Variants in PEPD observed in about 807,000 individuals in gnomAD.
PEPD encodes peptidase D, also known as xaa-Pro dipeptidase.
PEPD carries 53 observed loss-of-function variants against 60.7 expected under a neutral mutation model. The ratio of observed to expected loss-of-function variants is 0.87; its 90% CI spans 0.70 to 1.10. The LOEUF is 1.10. Among genes scored for constraint, PEPD ranks in the 50% least tolerant of loss-of-function variants. The pLI is 0.00. For missense variants in PEPD, 711 were observed against 711.9 expected, an observed-to-expected ratio of 1.00 and a Z score of 0.01; for synonymous variants, 267 against 284.1, an observed-to-expected ratio of 0.94 and a Z score of 0.60.
In PEPD at chr19:33,521,743, C is replaced by G. The variant is rs1203223583; in HGVS notation, c.17+1G>C. 3.2e-6 allele frequency: 5 copies of G among 1,578,540 alleles called. No individual in the cohort carries two copies. The highest frequency in any genetic ancestry group is 2.7e-5 in the African/African-American group (2 of 74,298). ...AAGAGCGAGGGAGGCGCAGCACTCA[C>G]CCGGTGGCCGCCGCCATGTTCGCCC... On this transcript the variant is annotated splice_donor_variant, in intron 1 of 14. Transcript: ENST00000244137. LOFTEE classifies it high-confidence loss of function.
intron 7 of PEPD, among the ~76,000 whole-genome samples, chr19:33,469,064 C>T (rs1970074267): frequency 6.6e-6 from 1 of 152,158 alleles, no homozygotes; most frequent in African/African-American, 2.4e-5. Context: ...GGGAGCAGGT[C>T]TCTCTTCTCT....
intron 11 of PEPD, among the ~76,000 whole-genome samples, chr19:33,407,461 G>A (rs868147264): frequency 6.6e-6 from 1 of 152,244 alleles, no homozygotes; most frequent in African/African-American, 2.4e-5. Context: ...GAAGCAGGGG[G>A]ATGAGTCCTG....
chr19:33,391,799 A>G (rs900949811), intron 12 of PEPD, among the ~76,000 whole-genome samples: 5 of 152,164 alleles, frequency 3.3e-5, no homozygotes, highest in Admixed American at 1.3e-4. Flanking sequence ...TCCACCCTGA[A>G]CAGCCTATGC....
At chr19:33,423,225 A>C (rs1239083703) in intron 9 of PEPD, among the ~76,000 whole-genome samples, 1 of 152,204 alleles carries the variant, frequency 6.6e-6, no homozygotes, top group Non-Finnish European at 1.5e-5. Flanking sequence ...GCACATCAGA[A>C]GTCTTTGGTA....
intron 1 of PEPD, among the ~76,000 whole-genome samples, chr19:33,513,340 C>T (rs1970963924): frequency 6.6e-6 from 1 of 152,148 alleles, no homozygotes; most frequent in Non-Finnish European, 1.5e-5. Context: ...ATGTCCAGCT[C>T]CAGACTCACA....
chr19:33,491,663 A>T (rs1849846153), intron 5 of PEPD, among the ~76,000 whole-genome samples: 2 of 152,032 alleles, frequency 1.3e-5, no homozygotes, highest in African/African-American at 4.8e-5. Context: ...GGGACCCCAC[A>T]TTCTGTATTT....
chr19:33,402,145 C>G (rs954959880), intron 11 of PEPD, among the ~76,000 whole-genome samples: 4 of 152,210 alleles, frequency 2.6e-5, no homozygotes, highest in African/African-American at 7.2e-5. Flanking sequence ...GGGAGTGGGG[C>G]TGTCCTATGC....
Position 33,521,729 on chromosome 19 carries a change from A to G in PEPD, c.17+15T>C. 6.3e-7 allele frequency: 1 copy of G among 1,580,162 alleles called. No homozygotes were observed. Among genetic ancestry groups the G allele is most frequent in the Non-Finnish European group, 8.6e-7 (1 of 1,168,206 alleles). ...CCACGCCAGCGGGAAAGAGCGAGGG[A>G]GGCGCAGCACTCACCCGGTGGCCGC... On this transcript the variant is annotated intron_variant, in intron 1 of 14. Transcript: ENST00000244137.
chr19:33,436,085 G>C (rs78283736), intron 9 of PEPD, among the ~76,000 whole-genome samples: 19,512 of 152,016 alleles, frequency 0.13, 1,479 homozygotes, highest in East Asian at 0.28. Context: ...GAGCAGAGGA[G>C]AAAGAAGCAG....
chr19:33,455,705 A>T (rs1413401599), intron 9 of PEPD, among the ~76,000 whole-genome samples: 2 of 146,040 alleles, frequency 1.4e-5, no homozygotes, highest in Non-Finnish European at 3.0e-5. Context: ...GTAGAGGCAG[A>T]GGTCTCCTAT....
At chr19:33,491,369 G>C (rs1422330112) in intron 5 of PEPD, among the ~76,000 whole-genome samples, 1 of 152,156 alleles carries the variant, frequency 6.6e-6, no homozygotes, top group African/African-American at 2.4e-5. Flanking sequence ...AGAATTGCTT[G>C]AACCCGGGAG....
chr19:33,395,722 C>G (rs776287324), intron 12 of PEPD, among the ~76,000 whole-genome samples: 2 of 152,230 alleles, frequency 1.3e-5, no homozygotes, highest in Non-Finnish European at 2.9e-5. Context: ...CGGGCCTGAC[C>G]GAGCTACAAA....
At chr19:33,443,852 A>G (rs1454395894) in intron 9 of PEPD, among the ~76,000 whole-genome samples, 2 of 151,888 alleles carry the variant, frequency 1.3e-5, no homozygotes, top group African/African-American at 2.4e-5. Flanking sequence ...ATGGGTGTAC[A>G]TATCACACAC....
At chr19:33,414,549 T>C (rs1468841985) in intron 9 of PEPD, among the ~76,000 whole-genome samples, 4 of 152,094 alleles carry the variant, frequency 2.6e-5, no homozygotes, top group African/African-American at 9.7e-5. Context: ...CCACAGCTGG[T>C]CCACCTGCCA....
At chr19:33,409,756 G>A (rs1265405337) in intron 11 of PEPD, among the ~76,000 whole-genome samples, 1 of 152,198 alleles carries the variant, frequency 6.6e-6, no homozygotes, top group South Asian at 2.1e-4. Flanking sequence ...CCCCTCTCCT[G>A]CTCTAGTCCC....
Position 33,387,455 on chromosome 19 carries a change from C to T in PEPD, c.1371G>A (p.Val457=), listed in dbSNP as rs1353843996. ...TCAGCAGCTCTATGCCGCTGTCAGTCACCACGACGTCCTCCTCGATGCGGA... is the reference window on the plus strand; with the variant it reads ...TCAGCAGCTCTATGCCGCTGTCAGTTACCACGACGTCCTCCTCGATGCGGA... ...GGVRIEEDVV[V]TDSGIELLTC... The change falls in exon 15 of 15, where the codon GTG becomes GTA. Residue 457 remains valine (V), a synonymous_variant. Transcript: ENST00000244137. 3.1e-6 allele frequency: 5 copies of T among 1,613,922 alleles called. No individual in the cohort carries two copies. The highest frequency in any genetic ancestry group is 4.2e-6 in the Non-Finnish European group (5 of 1,180,032).
chr19:33,409,868 A>C (rs1968722976), intron 11 of PEPD, among the ~76,000 whole-genome samples: 1 of 152,196 alleles, frequency 6.6e-6, no homozygotes, highest in Non-Finnish European at 1.5e-5. Flanking sequence ...TGGCCCACAC[A>C]TGGGGTGAGG....
chr19:33,506,927 C>A (rs1397209792), intron 3 of PEPD, among the ~76,000 whole-genome samples: 5 of 151,206 alleles, frequency 3.3e-5, no homozygotes, highest in Middle Eastern at 3.4e-3. Context: ...CATGCCCCCC[C>A]CACACAACAT....
At chr19:33,493,466 CT>C in intron 4 of PEPD, 129 bp from the exon 5 acceptor site, 1 of 744,060 alleles carries the variant, frequency 1.3e-6, no homozygotes, top group Non-Finnish European at 2.4e-6. Flanking sequence ...GACGTGGGCG[CT>C]GCCCTCACCC....
Sources: allele counts gnomAD v4.1 joint callset (sites outside exome capture counted in the v4.1 genomes callset), GRCh38; gene constraint gnomAD v4.1.1; transcripts MANE v1.5; gene names NCBI Gene and HGNC (gene_info 2026-07-23, HGNC 2026-07-21).